Variants in TSPAN18 observed in about 807,000 individuals in gnomAD.
The protein encoded by TSPAN18 is tetraspanin-18.
Under a neutral mutation model 27.3 loss-of-function variants are expected in TSPAN18, and 14 were observed. That is an observed-to-expected ratio of 0.51 (90% CI 0.34 to 0.80). The LOEUF (loss-of-function observed/expected upper bound fraction) is 0.80, where lower values mean the gene tolerates loss of function less well. TSPAN18 is among the 30% of genes least tolerant of loss of function. The pLI, the probability that TSPAN18 is intolerant of heterozygous loss-of-function variation, is 0.01. For synonymous variants in TSPAN18, 143 were observed against 136.5 expected, an observed-to-expected ratio of 1.05 and a Z score of -0.33; for missense variants, 268 against 323.9, an observed-to-expected ratio of 0.83 and a Z score of 1.32.
intron 3 of TSPAN18, among the ~76,000 whole-genome samples, chr11:44,876,754 C>T (rs1235491331): frequency 1.3e-5 from 2 of 152,200 alleles, no homozygotes; most frequent in Non-Finnish European, 2.9e-5. Context: ...ATAAAAATCA[C>T]CAACAGTCAG....
rs367599133 is a variant in TSPAN18, at chr11:44,875,314, G to A, written c.-11+14845G>A. 9.8e-5 allele frequency among the ~76,000 whole-genome samples: 15 copies of A among 152,312 alleles called. No homozygotes were observed. The East Asian group carries it at 2.3e-3, about 24-fold the overall frequency. On this transcript the variant is annotated intron_variant, in intron 3 of 9. Transcript: ENST00000520358. Reference sequence around the variant, plus strand: ...GCTTTCTCTGGGTTGTGGGCATTTCGGTGGGAAAGATAAGCTTGGTTTGGA... The same window carrying A: ...GCTTTCTCTGGGTTGTGGGCATTTCAGTGGGAAAGATAAGCTTGGTTTGGA...
chr11:44,857,724 C>T (rs1365196194), intron 2 of TSPAN18, among the ~76,000 whole-genome samples: 2 of 152,198 alleles, frequency 1.3e-5, no homozygotes, highest in East Asian at 1.9e-4. Flanking sequence ...CAGCCCCATC[C>T]ACCACTCAGC....
rs563101109 is a variant in TSPAN18 at position 44,773,640 on chromosome 11, G to A, written c.-153+9128G>A. 1.5e-4 allele frequency among the ~76,000 whole-genome samples: 23 copies of A among 152,236 alleles called. No homozygotes were observed. In the East Asian group the frequency reaches 1.9e-3, roughly 13 times the overall value. On this transcript the variant is annotated intron_variant, in intron 2 of 9. Transcript: ENST00000520358. Reference sequence around the variant, plus strand: ...CTGGAAGGACGGCTTCCACTGCCCCGCTCTTGGCATGCCCATAGCAAGATG... The same window carrying A: ...CTGGAAGGACGGCTTCCACTGCCCCACTCTTGGCATGCCCATAGCAAGATG...
chr11:44,853,823 C>T (rs1857661914), intron 2 of TSPAN18, among the ~76,000 whole-genome samples: 1 of 152,174 alleles, frequency 6.6e-6, no homozygotes, highest in Non-Finnish European at 1.5e-5. Flanking sequence ...GAAGCAGCAC[C>T]TCGGGGAGGA....
intron 2 of TSPAN18, among the ~76,000 whole-genome samples, chr11:44,814,967 T>C (rs1306255977): frequency 6.6e-6 from 1 of 152,196 alleles, no homozygotes; most frequent in Non-Finnish European, 1.5e-5. Context: ...AAAGAAGACC[T>C]GAACCATGAG....
intron 2 of TSPAN18, among the ~76,000 whole-genome samples, chr11:44,842,289 A>T (rs182019283): frequency 6.6e-5 from 10 of 152,340 alleles, no homozygotes; most frequent in Non-Finnish European, 1.5e-4. Context: ...CATGCCAAAG[A>T]AACACACATG....
chr11:44,790,881 G>C (rs555693877), intron 2 of TSPAN18, among the ~76,000 whole-genome samples: 1 of 152,316 alleles, frequency 6.6e-6, no homozygotes, highest in East Asian at 1.9e-4. Context: ...GGGTGACGTG[G>C]TGAGGCTGTC....
Position 44,923,367 on chromosome 11 carries a change from A to G in TSPAN18, c.616-3307A>G, listed in dbSNP as rs139755494. On this transcript the variant is annotated intron_variant, in intron 8 of 9. Transcript: ENST00000520358. ...GAGGATGGCACTGGCAACAGCCCAC[A>G]TGGTTAGAAGACTCATAGTCTGTGG... Among the ~76,000 whole-genome samples, 583 of 152,288 alleles carry G rather than the reference A, an allele frequency of 3.8e-3. 4 individuals carry two copies. The highest frequency in any genetic ancestry group is 0.013 in the African/African-American group (540 of 41,572).
intron 3 of TSPAN18, among the ~76,000 whole-genome samples, chr11:44,873,483 T>C (rs1416357156): frequency 6.6e-6 from 1 of 152,104 alleles, no homozygotes; most frequent in Non-Finnish European, 1.5e-5. Flanking sequence ...GAAAGAACAA[T>C]ATGCAAACTC....
intron 1 of TSPAN18, among the ~76,000 whole-genome samples, chr11:44,729,029 G>A (rs540401724): frequency 6.6e-6 from 1 of 152,326 alleles, no homozygotes; most frequent in East Asian, 1.9e-4. Flanking sequence ...AAAGGTGGGG[G>A]AAATGGGGGT....
intron 5 of TSPAN18, among the ~76,000 whole-genome samples, chr11:44,914,071 G>A (rs1018555810): frequency 3.9e-5 from 6 of 152,202 alleles, no homozygotes; most frequent in African/African-American, 1.4e-4. Context: ...GGCTTGGGGA[G>A]GCCCACTTCC....
intron 3 of TSPAN18, among the ~76,000 whole-genome samples, chr11:44,882,840 A>G (rs1858534561): frequency 1.3e-5 from 2 of 152,044 alleles, no homozygotes; most frequent in African/African-American, 2.4e-5. Flanking sequence ...CCCAGACCCA[A>G]GGGCGCTGCC....
In TSPAN18 at chr11:44,850,059, C is replaced by T. The variant is rs1307923913; in HGVS notation, c.-152-10269C>T. ...GATGGACTACGTGACCCCTAATAAC[C>T]CCTGTCCCCAGGACCAACAGAGAAG... On this transcript the variant is annotated intron_variant, in intron 2 of 9. Transcript: ENST00000520358. Among the ~76,000 whole-genome samples the T allele has an allele frequency of 2.6e-5, 4 of 152,212 alleles. No homozygotes were observed. In the East Asian group the frequency reaches 7.7e-4, roughly 29 times the overall value.
In TSPAN18 at chr11:44,926,740, G is replaced by T. The variant is rs201801364; in HGVS notation, c.682G>T (p.Gly228Trp). 1.2e-6 allele frequency: 2 copies of T among 1,614,112 alleles called. No homozygotes were observed. Residue 228 changes from glycine to tryptophan, a missense_variant, in exon 9 of 10, where the codon GGG becomes TGG. Physicochemically the swap from Gly to Trp is radical, Grantham distance 184. Coordinates refer to ENST00000520358, the MANE Select transcript of TSPAN18 (RefSeq NM_130783.5). ...CTACTTGGCCGGAGCCCTTGCCATC[G>T]GGGTACTGGCCATCGAGGTAAGTAA... is the stretch of plus-strand genomic sequence containing the variant. Reference protein sequence around the residue: ...YVYLAGALAIGVLAIELFAMI... With the variant: ...YVYLAGALAIWVLAIELFAMI...
intron 2 of TSPAN18, among the ~76,000 whole-genome samples, chr11:44,804,196 C>T (rs574329750): frequency 2.6e-5 from 4 of 152,282 alleles, no homozygotes; most frequent in East Asian, 1.9e-4. Flanking sequence ...CTCCACCTCC[C>T]GGGTTCAAGC....
intron 2 of TSPAN18, among the ~76,000 whole-genome samples, chr11:44,806,416 C>A (rs537290504): frequency 6.6e-6 from 1 of 152,136 alleles, no homozygotes; most frequent in South Asian, 2.1e-4. Flanking sequence ...CTGTTGGGTG[C>A]GTAGTGCTAG....
intron 3 of TSPAN18, among the ~76,000 whole-genome samples, chr11:44,889,130 A>T (rs1858759078): frequency 6.6e-6 from 1 of 152,190 alleles, no homozygotes; most frequent in African/African-American, 2.4e-5. Context: ...TTAGTTACCC[A>T]GTTTCATGTA....
At chr11:44,910,894 T>C (rs2135342506) in intron 5 of TSPAN18, among the ~76,000 whole-genome samples, 1 of 152,322 alleles carries the variant, frequency 6.6e-6, no homozygotes, top group South Asian at 2.1e-4. Context: ...GCCTCCCATC[T>C]AGTTCCCCAA....
chr11:44,814,811 G>C (rs57365203), intron 2 of TSPAN18, among the ~76,000 whole-genome samples: 1 of 152,086 alleles, frequency 6.6e-6, no homozygotes, highest in South Asian at 2.1e-4. Flanking sequence ...AAGTCTGATA[G>C]AGCAGGCTGC....
Sources: gnomAD v4.1 joint callset for allele counts (sites outside exome capture counted in the v4.1 genomes callset) on GRCh38, gnomAD v4.1.1 for gene constraint, MANE v1.5 for transcripts, NCBI Gene and HGNC (gene_info 2026-07-23, HGNC 2026-07-21) for gene names.